The following HLF variants were observed in gnomAD, a reference collection of about 807,000 sequenced individuals.
HLF encodes the protein hepatic leukemia factor.
Under a neutral mutation model 22.6 loss-of-function variants are expected in HLF, and 3 were observed. That is an observed-to-expected ratio of 0.13 (90% CI 0.06 to 0.34). HLF has a LOEUF of 0.34. HLF is among the 10% of genes least tolerant of loss of function. The pLI, the probability that HLF is intolerant of heterozygous loss-of-function variation, is 1.00. For missense variants in HLF, 299 were observed against 389.2 expected (o/e 0.77, Z 1.95); for synonymous variants, 151 against 151.8 (o/e 0.99, Z 0.04).
In HLF at chr17:55,294,947, A is replaced by G. The variant is rs575251684; in HGVS notation, c.452-20280A>G. On this transcript the variant is annotated intron_variant, in intron 2 of 3. Transcript: ENST00000226067. ...ACATAATAAAAATTTATAGAGAACC[A>G]CAAGCTCATGGATGTTTGTTTTGGA... Among the ~76,000 whole-genome samples, 4 of 152,368 alleles carry G rather than the reference A, an allele frequency of 2.6e-5. No homozygotes were observed. The East Asian group carries it at 7.7e-4, about 29-fold the overall frequency.
chr17:55,295,286 G>A (rs116912481), intron 2 of HLF, among the ~76,000 whole-genome samples: 1 of 152,330 alleles, frequency 6.6e-6, no homozygotes, highest in Non-Finnish European at 1.5e-5. Context: ...TAAGTGACTT[G>A]TTGAGTTTTT....
intron 2 of HLF, among the ~76,000 whole-genome samples, chr17:55,298,507 T>C (rs760097238): frequency 3.3e-5 from 5 of 152,214 alleles, no homozygotes; most frequent in Admixed American, 6.5e-5. Flanking sequence ...ATAGACTACA[T>C]TAAGCAGGAG....
At chr17:55,294,582 C>T (rs1262566968) in intron 2 of HLF, among the ~76,000 whole-genome samples, 1 of 152,180 alleles carries the variant, frequency 6.6e-6, no homozygotes, top group African/African-American at 2.4e-5. Flanking sequence ...GTTGTACGAG[C>T]AAAGCATCCG....
At chr17:55,284,670 A>C (rs2080986361) in intron 2 of HLF, among the ~76,000 whole-genome samples, 1 of 152,146 alleles carries the variant, frequency 6.6e-6, no homozygotes, top group Admixed American at 6.6e-5. Flanking sequence ...CTCCAACCAG[A>C]GGTGCCCTCT....
intron 2 of HLF, among the ~76,000 whole-genome samples, chr17:55,290,297 C>T (rs1381199494): frequency 6.6e-6 from 1 of 152,148 alleles, no homozygotes; most frequent in Non-Finnish European, 1.5e-5. Context: ...TTACACTTTG[C>T]CGATAGTGTG....
intron 2 of HLF, among the ~76,000 whole-genome samples, chr17:55,293,899 A>G (rs2081088731): frequency 6.6e-6 from 1 of 152,218 alleles, no homozygotes; most frequent in Non-Finnish European, 1.5e-5. Flanking sequence ...TGAGGAGGAA[A>G]GGAGCAACAT....
chr17:55,265,379 C>G lies in HLF; in HGVS notation c.-106C>G. On this transcript the variant is annotated 5_prime_UTR_variant, in exon 1 of 4. Coordinates refer to ENST00000226067, the MANE Select transcript of HLF (RefSeq NM_002126.5). Reference sequence around the variant, plus strand: ...TCCCTTTTCTCCACCGCCTTGAGAGCGAGTACTTTTGGCAAAGGACGGAGG... The same window carrying G: ...TCCCTTTTCTCCACCGCCTTGAGAGGGAGTACTTTTGGCAAAGGACGGAGG... 1.5e-6 allele frequency: 1 copy of G among 675,964 alleles called. No homozygotes were observed. Among genetic ancestry groups the G allele is most frequent in the Admixed American group, 2.4e-5 (1 of 41,956 alleles). 41.9% of individuals were successfully genotyped at this position (675,964 alleles called of 1,614,324 possible). A position where few individuals can be genotyped will look rare whatever the true frequency, so the allele number is the denominator to read the frequency against.
rs140267296 is a variant in HLF, at chr17:55,320,565, C to T, written c.673-99C>T. On this transcript the variant is annotated intron_variant, in intron 3 of 3. Coordinates refer to ENST00000226067, the MANE Select transcript of HLF (RefSeq NM_002126.5). This position sits in a 1 kb window ranked among gnomAD's most constrained non-coding sequence, Gnocchi z 4.2. ...CAAGCTAAGAAACCCGGGCTGGCAC[C>T]TCTGCACAATCCTGGAGCCTGCCCG... The T allele has an allele frequency of 7.8e-4, 809 of 1,031,870 alleles. 3 individuals carry two copies. The African/African-American group carries it at 0.011, about 14-fold the overall frequency. The allele number at this position is 1,031,870 out of a possible 1,614,324, so 63.9% of individuals were successfully genotyped here.
intron 2 of HLF, among the ~76,000 whole-genome samples, chr17:55,287,458 A>G (rs988902251): frequency 1.3e-5 from 2 of 152,238 alleles, no homozygotes; most frequent in African/African-American, 4.8e-5. Flanking sequence ...GCCACCCAGC[A>G]TAACAACACC....
At chr17:55,319,933 A>G (rs1905207071) in intron 3 of HLF, among the ~76,000 whole-genome samples, 1 of 152,194 alleles carries the variant, frequency 6.6e-6, no homozygotes, top group African/African-American at 2.4e-5. Context: ...ATGAGACCAT[A>G]CATATTTGTG....
At position 55,265,432 on chromosome 17, in the gene HLF, G is replaced by GCTGT; in HGVS notation, c.-53_-52insCTGT. 1 of 616,038 alleles carries GCTGT rather than the reference G, an allele frequency of 1.6e-6. No individual in the cohort carries two copies. Among genetic ancestry groups the GCTGT allele is most frequent in the South Asian group, 1.9e-5 (1 of 52,742 alleles). 38.2% of individuals were successfully genotyped at this position (616,038 alleles called of 1,614,324 possible). On this transcript the variant is annotated 5_prime_UTR_variant, in exon 1 of 4. Transcript: ENST00000226067. ...AAGCTCAGCAACATTTTAGGGGGCGGTTGTTTCTTTCTTATTTCTTTTTTT... is the reference window on the plus strand; with the variant it reads ...AAGCTCAGCAACATTTTAGGGGGCGGCTGTTTGTTTCTTTCTTATTTCTTTTTTT...
chr17:55,317,865 T>C (rs1256387591), intron 3 of HLF, among the ~76,000 whole-genome samples: 1 of 152,214 alleles, frequency 6.6e-6, no homozygotes, highest in East Asian at 1.9e-4. Context: ...AGAATTGAGG[T>C]TGACATGCTG....
At chr17:55,296,335 T>A (rs1485534615) in intron 2 of HLF, among the ~76,000 whole-genome samples, 1 of 152,214 alleles carries the variant, frequency 6.6e-6, no homozygotes, top group Admixed American at 6.5e-5. Flanking sequence ...ACGATTGTTG[T>A]AAAATAGGAC....
chr17:55,312,474 C>T (rs760921404), intron 2 of HLF, among the ~76,000 whole-genome samples: 5 of 152,080 alleles, frequency 3.3e-5, no homozygotes, highest in Admixed American at 6.5e-5. Flanking sequence ...AATTATACAT[C>T]GTTATATATC....
At chr17:55,273,011 T>C (rs1308291259) in intron 2 of HLF, 1 of 152,294 alleles carries the variant, frequency 6.6e-6, no homozygotes, top group Admixed American at 6.5e-5. Flanking sequence ...AGAGTTTATC[T>C]TCTCCACGGA....
chr17:55,285,065 T>C (rs982960637), intron 2 of HLF, among the ~76,000 whole-genome samples: 6 of 151,970 alleles, frequency 3.9e-5, no homozygotes, highest in African/African-American at 1.5e-4. Flanking sequence ...CACCCCATGG[T>C]GATTGTTTGG....
intron 2 of HLF, among the ~76,000 whole-genome samples, chr17:55,304,949 G>A (rs952877225): frequency 6.6e-6 from 1 of 152,226 alleles, no homozygotes; most frequent in African/African-American, 2.4e-5. Flanking sequence ...GCTACCTCGT[G>A]CAGGACAGGC....
rs995259858 is a variant in HLF, at chr17:55,323,566, A to T, written c.*2687A>T. On this transcript the variant is annotated 3_prime_UTR_variant, in exon 4 of 4. Coordinates refer to ENST00000226067, the MANE Select transcript of HLF (RefSeq NM_002126.5). ...TTGTGTGCCAGGAGAGGTTTCAGAA[A>T]CCTACCTCGTCTTACAAATTTAAAC... is the stretch of plus-strand genomic sequence containing the variant. The T allele has an allele frequency of 7.1e-5, 16 of 225,136 alleles. No individual in the cohort carries two copies. In the Admixed American group the frequency reaches 8.0e-4, roughly 11 times the overall value. The allele number at this position is 225,136 out of a possible 1,614,324, so 13.9% of individuals were successfully genotyped here.
chr17:55,303,413 C>T (rs1904390478), intron 2 of HLF, among the ~76,000 whole-genome samples: 1 of 152,198 alleles, frequency 6.6e-6, no homozygotes, highest in African/African-American at 2.4e-5. Flanking sequence ...CCTGCAAGTA[C>T]AGAGGAAACT....
Sources: allele counts gnomAD v4.1 joint callset (sites outside exome capture counted in the v4.1 genomes callset), GRCh38; gene constraint gnomAD v4.1.1; non-coding constraint Gnocchi (gnomAD v3.1); transcripts MANE v1.5; gene names NCBI Gene and HGNC (gene_info 2026-07-23, HGNC 2026-07-21).